Variants in RCC1 observed in about 807,000 individuals in gnomAD.
The protein encoded by RCC1 is regulator of chromosome condensation 1, also known as regulator of chromosome condensation.
In RCC1, 11 loss-of-function variants were observed where a neutral mutation model predicts 44.4. That is an observed-to-expected ratio of 0.25 (90% CI 0.16 to 0.41). RCC1 has a LOEUF of 0.41. Among genes scored for constraint, RCC1 ranks in the 10% least tolerant of loss-of-function variants. RCC1 has a pLI of 1.00. For synonymous variants in RCC1, 213 were observed against 216.5 expected (o/e 0.98, Z 0.14); for missense variants, 386 against 547.1 (o/e 0.71, Z 2.94).
intron 3 of RCC1, chr1:28,511,030 ACT>A (rs927425169): frequency 6.6e-5 from 10 of 152,130 alleles, no homozygotes; most frequent in Non-Finnish European, 1.3e-4. Flanking sequence ...TTCAGGTCCC[ACT>A]CTGCTAAACT....
chr1:28,521,842 T>A (rs1431558123), intron 4 of RCC1, among the ~76,000 whole-genome samples: 1 of 152,258 alleles, frequency 6.6e-6, no homozygotes, highest in Non-Finnish European at 1.5e-5. Context: ...CTGCCCAGAC[T>A]GCCTTAGCCC....
At chr1:28,531,259 CTTTTTCTTT>C (rs1381648145) in intron 5 of RCC1, among the ~76,000 whole-genome samples, 2 of 132,452 alleles carry the variant, frequency 1.5e-5, no homozygotes, top group Admixed American at 1.5e-4. Flanking sequence ...GCTTTCTTTT[CTTTTTCTTT>C]TTTTTTTTTT....
intron 4 of RCC1, chr1:28,518,603 G>A (rs1663057856): frequency 1.3e-5 from 2 of 150,640 alleles, no homozygotes; most frequent in Admixed American, 1.3e-4. Context: ...CGCGCAGGCG[G>A]GAGATTCAAA....
chr1:28,523,124 C>T (rs987278031), intron 4 of RCC1, among the ~76,000 whole-genome samples: 11 of 150,594 alleles, frequency 7.3e-5, no homozygotes, highest in South Asian at 4.2e-4. Context: ...CTCTGCCTCC[C>T]GGGTTCACGC....
At chr1:28,533,455 A>C (rs1191245439) in intron 7 of RCC1, among the ~76,000 whole-genome samples, 1 of 127,358 alleles carries the variant, frequency 7.9e-6, no homozygotes. Flanking sequence ...TAGGGGACAG[A>C]GCGAGACTCC....
chr1:28,508,705 C>T, intron 2 of RCC1, 125 bp from the exon 3 acceptor site: 1 of 519,114 alleles, frequency 1.9e-6, no homozygotes, highest in Admixed American at 1.9e-5. Flanking sequence ...CATATTCCTA[C>T]AGCTTCCCAG....
intron 7 of RCC1, chr1:28,532,765 G>C: frequency 2.2e-6 from 1 of 460,838 alleles, no homozygotes; most frequent in Non-Finnish European, 4.3e-6. Flanking sequence ...AAGGTACAGA[G>C]GAGTGTAGTT....
At position 28,535,272 on chromosome 1, in the gene RCC1, G is replaced by A. The variant is rs777112238; in HGVS notation, c.553G>A (p.Val185Met). The A allele has an allele frequency of 1.9e-6, 3 of 1,614,042 alleles. No homozygotes were observed. The highest frequency in any genetic ancestry group is 1.1e-5 in the South Asian group (1 of 91,084). Residue 185 changes from valine (V) to methionine (M), a missense_variant, in exon 9 of 13, where the codon GTG becomes ATG. Coordinates refer to ENST00000683442, the MANE Select transcript of RCC1 (RefSeq NM_001381865.2). ...TTCATCCTTAGGAAACGACCACTTGGTGATGCTGACAGCTGATGGTGACCT... is the reference window on the plus strand; with the variant it reads ...TTCATCCTTAGGAAACGACCACTTGATGATGCTGACAGCTGATGGTGACCT... ...VKVASGNDHLVMLTADGDLYT... is the reference protein window; with the variant it reads ...VKVASGNDHLMMLTADGDLYT...
chr1:28,517,538 C>A (rs1226144559), intron 4 of RCC1, among the ~76,000 whole-genome samples: 2 of 152,114 alleles, frequency 1.3e-5, no homozygotes, highest in Non-Finnish European at 1.5e-5. Flanking sequence ...GTGCCTCCCT[C>A]AAACCTTGTT....
chr1:28,536,761 C>T lies in RCC1; in HGVS notation c.952C>T (p.Leu318=), dbSNP rs1488758335. ...CMDSEGKAYS[L]GRAEYGRLGL... is the part of the protein sequence containing the mutation. The stretch of plus-strand genomic sequence containing the variant: ...TCCTCCCATAGGAAAAGCATACAGC[C>T]TGGGCCGGGCTGAGTATGGGCGGCT... The change falls in exon 12 of 13, where the codon CTG becomes TTG. Residue 318 remains leucine, a synonymous_variant. Transcript: ENST00000683442. This position sits in a 1 kb window ranked among gnomAD's most constrained non-coding sequence, Gnocchi z 4.9. The T allele has an allele frequency of 6.2e-7, 1 of 1,614,046 alleles. No individual in the cohort carries two copies. Among genetic ancestry groups the T allele is most frequent in the Non-Finnish European group, 8.5e-7 (1 of 1,179,970 alleles).
intron 4 of RCC1, among the ~76,000 whole-genome samples, chr1:28,522,167 GAGAATGACTAGTTC>G (rs1663324453): frequency 6.6e-6 from 1 of 152,188 alleles, no homozygotes; most frequent in Non-Finnish European, 1.5e-5. Context: ...GTTTCTCAGA[GAGAATGACTAGTTC>G]AGGATGGAGG....
Position 28,538,897 on chromosome 1 carries a change from AG to A in RCC1, c.*892del, listed in dbSNP as rs1287162284. ...CAACTTGTACAGTGGCTGAGAAAAT[AG>A]GATATAGTTTTGATTTTTTTAATTG... On this transcript the variant is annotated 3_prime_UTR_variant, in exon 13 of 13. Transcript: ENST00000683442. The A allele has an allele frequency of 1.3e-5, 2 of 152,260 alleles. No homozygotes were observed. The highest frequency in any genetic ancestry group is 2.9e-5 in the Non-Finnish European group (2 of 68,050). 9.4% of individuals were successfully genotyped at this position (152,260 alleles called of 1,614,324 possible). A position where few individuals can be genotyped will look rare whatever the true frequency, so the allele number is the denominator to read the frequency against.
At chr1:28,507,752 C>T (rs1295380739) in intron 1 of RCC1, 2 of 336,198 alleles carry the variant, frequency 5.9e-6, no homozygotes, top group Non-Finnish European at 1.2e-5. Context: ...GATTACAGGC[C>T]CCCGCCACCA....
chr1:28,533,699 G>A (rs1664327618), intron 7 of RCC1, among the ~76,000 whole-genome samples: 1 of 142,124 alleles, frequency 7.0e-6, no homozygotes, highest in Non-Finnish European at 1.5e-5. Context: ...GAACCTGGGA[G>A]GCGGAGGTTG....
rs151159651 is a variant in RCC1 at position 28,525,849 on chromosome 1, G to A, written c.-9-4009G>A. On this transcript the variant is annotated intron_variant, in intron 4 of 12. Coordinates refer to ENST00000683442, the MANE Select transcript of RCC1 (RefSeq NM_001381865.2). ...GGAGAGCTAGAGAGGCGAGGTTCTC[G>A]GGAACCACTAGAAGGAAGGAATGAG... 5.3e-4 allele frequency among the ~76,000 whole-genome samples: 81 copies of A among 152,224 alleles called. 1 individual carries two copies. The highest frequency in any genetic ancestry group is 1.9e-3 in the African/African-American group (77 of 41,524).
rs1570227085 is a variant in RCC1, at chr1:28,536,182, G to A, written c.818-80G>A. 1 of 1,572,110 alleles carries A rather than the reference G, an allele frequency of 6.4e-7. No individual in the cohort carries two copies. The highest frequency in any genetic ancestry group is 8.6e-7 in the Non-Finnish European group (1 of 1,156,696). On this transcript the variant is annotated intron_variant, in intron 10 of 12. Coordinates refer to ENST00000683442, the MANE Select transcript of RCC1 (RefSeq NM_001381865.2). The surrounding 1 kb of genome is among the most constrained non-coding windows in gnomAD (Gnocchi z 4.9). ...GAGAATGTCCATATCCTGATGGGAG[G>A]TGGCCTCACTGTGGGAGGAGATTGA... is the stretch of plus-strand genomic sequence containing the variant.
intron 9 of RCC1, 76 bp downstream of exon 9, chr1:28,535,456 T>G: frequency 6.3e-7 from 1 of 1,595,474 alleles, no homozygotes; most frequent in Non-Finnish European, 8.5e-7. Context: ...CAGGAAGGAT[T>G]TGCTGTGGTC....
Position 28,517,847 on chromosome 1 carries a change from G to C in RCC1, c.-10+980G>C, listed in dbSNP as rs576872732. ...CTTGGAAAGCTGTTCTTAAGCCCCGGACTGAGTCAGATGCCCCTCTGGGTA... is the reference window on the plus strand; with the variant it reads ...CTTGGAAAGCTGTTCTTAAGCCCCGCACTGAGTCAGATGCCCCTCTGGGTA... On this transcript the variant is annotated intron_variant, in intron 4 of 12. Coordinates refer to ENST00000683442, the MANE Select transcript of RCC1 (RefSeq NM_001381865.2). Among the ~76,000 whole-genome samples, 20 of 152,262 alleles carry C rather than the reference G, an allele frequency of 1.3e-4. No individual in the cohort carries two copies. In the South Asian group the frequency reaches 3.9e-3, roughly 30 times the overall value.
At chr1:28,509,035 G>C in intron 3 of RCC1, 130 bp downstream of exon 3, 1 of 378,968 alleles carries the variant, frequency 2.6e-6, no homozygotes, top group African/African-American at 2.1e-5. Flanking sequence ...GTGCAGTGGC[G>C]CAATCTTGGC....
Sources: gnomAD v4.1 joint callset for allele counts (sites outside exome capture counted in the v4.1 genomes callset) on GRCh38, gnomAD v4.1.1 for gene constraint, Gnocchi (gnomAD v3.1) non-coding constraint, MANE v1.5 for transcripts, NCBI Gene and HGNC (gene_info 2026-07-23, HGNC 2026-07-21) for gene names.